Variants in RASAL2 observed in about 807,000 individuals in gnomAD.
The protein encoded by RASAL2 is ras GTPase-activating protein nGAP.
RASAL2 carries 58 observed loss-of-function variants against 128.9 expected under a neutral mutation model. The observed-to-expected ratio is 0.45, with a 90% CI of 0.36 to 0.56. The LOEUF is 0.56. Ranked by LOEUF, RASAL2 falls within the 20% of genes least tolerant of loss-of-function variation. RASAL2 has a pLI of 0.00. For missense variants in RASAL2, 1,360 were observed against 1,601.6 expected (o/e 0.85, Z 2.57); for synonymous variants, 561 against 580.8 (o/e 0.97, Z 0.49).
At chr1:178,363,403 C>T (rs111701794) in intron 3 of RASAL2, among the ~76,000 whole-genome samples, 8,238 of 152,154 alleles carry the variant, frequency 0.054, 262 homozygotes, top group South Asian at 0.081. Flanking sequence ...ATATTAACCC[C>T]TTATCAGATA....
chr1:178,242,596 G>A (rs893961591), intron 1 of RASAL2, among the ~76,000 whole-genome samples: 2 of 151,656 alleles, frequency 1.3e-5, no homozygotes, highest in African/African-American at 4.8e-5. Flanking sequence ...CCAATGCCTG[G>A]CCCACTTACA....
chr1:178,122,217 A>G (rs1303908015), intron 1 of RASAL2, among the ~76,000 whole-genome samples: 1 of 152,190 alleles, frequency 6.6e-6, no homozygotes, highest in African/African-American at 2.4e-5. Context: ...TCGGTTTGGT[A>G]TGTTAGGTGA....
At chr1:178,148,311 T>C (rs1660798186) in intron 1 of RASAL2, among the ~76,000 whole-genome samples, 1 of 152,170 alleles carries the variant, frequency 6.6e-6, no homozygotes, top group South Asian at 2.1e-4. Flanking sequence ...AAGTTTTATG[T>C]ATACACTATA....
chr1:178,214,883 G>A (rs1212320261), intron 1 of RASAL2, among the ~76,000 whole-genome samples: 1 of 152,042 alleles, frequency 6.6e-6, no homozygotes, highest in East Asian at 1.9e-4. Flanking sequence ...TTTTTATTTT[G>A]CATTTATCCC....
intron 5 of RASAL2, among the ~76,000 whole-genome samples, chr1:178,424,593 C>G (rs1675399884): frequency 6.6e-6 from 1 of 152,270 alleles, no homozygotes; most frequent in Admixed American, 6.5e-5. Flanking sequence ...TCCTGAGTAG[C>G]TGGGACTACA....
chr1:178,154,228 C>T (rs1377260926), intron 1 of RASAL2, among the ~76,000 whole-genome samples: 1 of 151,816 alleles, frequency 6.6e-6, no homozygotes, highest in Non-Finnish European at 1.5e-5. Flanking sequence ...CTCACTGCAG[C>T]CTTGAACTCC....
intron 1 of RASAL2, among the ~76,000 whole-genome samples, chr1:178,206,885 A>G (rs1017859616): frequency 1.3e-5 from 2 of 152,150 alleles, no homozygotes; most frequent in Non-Finnish European, 1.5e-5. Flanking sequence ...ATTAAAAGTA[A>G]TGATCTCAGC....
intron 1 of RASAL2, among the ~76,000 whole-genome samples, chr1:178,178,151 A>G (rs1661957215): frequency 6.6e-6 from 1 of 152,184 alleles, no homozygotes; most frequent in African/African-American, 2.4e-5. Context: ...GATCACCATA[A>G]AAAAATTCAA....
chr1:178,138,630 T>G (rs1375658089), intron 1 of RASAL2, among the ~76,000 whole-genome samples: 1 of 152,160 alleles, frequency 6.6e-6, no homozygotes, highest in Non-Finnish European at 1.5e-5. Context: ...ATACATTTTT[T>G]TCACATTCTA....
chr1:178,387,739 G>A (rs1672668637), intron 3 of RASAL2, among the ~76,000 whole-genome samples: 2 of 152,126 alleles, frequency 1.3e-5, no homozygotes, highest in Admixed American at 6.6e-5. Context: ...ATCCCATGGT[G>A]TATATGTGCC....
intron 1 of RASAL2, among the ~76,000 whole-genome samples, chr1:178,264,482 A>G (rs75725392): frequency 6.6e-6 from 1 of 152,226 alleles, no homozygotes; most frequent in Non-Finnish European, 1.5e-5. Context: ...TTAGAAAATC[A>G]GAGGTTCTTA....
chr1:178,191,765 G>A (rs1662502239), intron 1 of RASAL2, among the ~76,000 whole-genome samples: 1 of 152,150 alleles, frequency 6.6e-6, no homozygotes, highest in African/African-American at 2.4e-5. Flanking sequence ...TAAAGAAAAT[G>A]TAAAAATAGT....
intron 1 of RASAL2, among the ~76,000 whole-genome samples, chr1:178,116,776 AT>A (rs1659534182): frequency 1.3e-5 from 2 of 151,760 alleles, no homozygotes; most frequent in South Asian, 4.2e-4. Context: ...CGCCTGGCTA[AT>A]TTTTTTGTAT....
In RASAL2 at chr1:178,441,554, C is replaced by T. The variant is rs142556497; in HGVS notation, c.834C>T (p.Thr278=). ...ILGQDFCFEV[T]YLSGSKCFSC... ...GTCTAATTTTTATGTTGAAGGTTAC[C>T]TACTTAAGTGGAAGTAAATGCTTCA... The change falls in exon 7 of 18, where the codon ACC becomes ACT. Residue 278 remains threonine (T), a synonymous_variant. Transcript: ENST00000367649. 7.0e-4 allele frequency: 1,135 copies of T among 1,611,338 alleles called. 14 individuals are homozygous for T. The African/African-American group carries it at 0.014, about 19-fold the overall frequency.
At chr1:178,220,956 T>G (rs1428399511) in intron 1 of RASAL2, among the ~76,000 whole-genome samples, 2 of 152,240 alleles carry the variant, frequency 1.3e-5, no homozygotes, top group Non-Finnish European at 2.9e-5. Context: ...GATTGCTGAA[T>G]TGTACGTTAA....
chr1:178,248,115 G>C (rs184499799), intron 1 of RASAL2, among the ~76,000 whole-genome samples: 377 of 152,258 alleles, frequency 2.5e-3, no homozygotes, highest in African/African-American at 8.7e-3. Context: ...TTCAAATCCT[G>C]AATATCCTTG....
chr1:178,283,622 A>G lies in RASAL2; in HGVS notation c.261A>G (p.Thr87=). 6.2e-7 allele frequency: 1 copy of G among 1,614,072 alleles called. No homozygotes were observed. The highest frequency in any genetic ancestry group is 8.5e-7 in the Non-Finnish European group (1 of 1,179,996). ...LSCGQSPYTE[T]TTWERKYCIL... is the part of the protein sequence containing the mutation. ...GTGGTCAGTCACCCTACACCGAGAC[A>G]ACAACGTGGGAGCGGAAGTATTGCA... Residue 87 remains threonine, a synonymous_variant, in exon 2 of 18, where the codon ACA becomes ACG. Coordinates refer to ENST00000367649, the MANE Select transcript of RASAL2 (RefSeq NM_170692.4).
chr1:178,146,885 T>C (rs961001457), intron 1 of RASAL2, among the ~76,000 whole-genome samples: 4 of 152,250 alleles, frequency 2.6e-5, no homozygotes, highest in African/African-American at 7.2e-5. Context: ...AGCAGGTGTA[T>C]GTCAGGCTAA....
At chr1:178,164,183 G>C (rs1341417450) in intron 1 of RASAL2, among the ~76,000 whole-genome samples, 2 of 151,972 alleles carry the variant, frequency 1.3e-5, no homozygotes, top group Non-Finnish European at 2.9e-5. Flanking sequence ...AGGAAGGTAG[G>C]GCAACTGATA....
Sources: gnomAD v4.1 joint callset for allele counts (sites outside exome capture counted in the v4.1 genomes callset) on GRCh38, gnomAD v4.1.1 for gene constraint, MANE v1.5 for transcripts, NCBI Gene and HGNC (gene_info 2026-07-23, HGNC 2026-07-21) for gene names.